Variants in LIMA1 observed in about 807,000 individuals in gnomAD.
The protein encoded by LIMA1 is LIM domain and actin-binding protein 1.
In LIMA1, 52 loss-of-function variants were observed where a neutral mutation model predicts 62.6. That is an observed-to-expected ratio of 0.83 (90% confidence interval 0.67 to 1.05). LIMA1 has a LOEUF of 1.05. LIMA1 is among the 50% of genes least tolerant of loss of function. The pLI, the probability that LIMA1 is intolerant of heterozygous loss-of-function variation, is 0.00. For missense variants in LIMA1, 780 were observed against 902.2 expected (o/e 0.86, Z 1.74); for synonymous variants, 302 against 317.8 (o/e 0.95, Z 0.53).
intron 1 of LIMA1, among the ~76,000 whole-genome samples, chr12:50,273,496 C>T (rs1187714807): frequency 6.6e-6 from 1 of 151,900 alleles, no homozygotes; most frequent in Non-Finnish European, 1.5e-5. Context: ...AGCAAAAGTA[C>T]TTTGAAAACT....
rs1408298159 is a variant in LIMA1 at position 50,192,556 on chromosome 12, A to G, written c.1036T>C (p.Ser346Pro). ...STPAEDDSRD[S>P]QVKSEVQQPV... The stretch of plus-strand genomic sequence containing the variant: ...TGTTGAACCTCACTCTTAACCTGGG[A>G]GTCACCTGCTTGAGTTACAAAAGGA... The change falls in exon 9 of 11, where the codon TCC (serine) becomes CCC (proline). Residue 346 changes from serine to proline, a missense_variant. By Grantham distance (74) the Ser-to-Pro change is moderately conservative. Coordinates refer to ENST00000341247, the MANE Select transcript of LIMA1 (RefSeq NM_016357.5). The G allele has an allele frequency of 1.2e-6, 2 of 1,609,528 alleles. No homozygotes were observed. Among genetic ancestry groups the G allele is most frequent in the East Asian group, 4.5e-5 (2 of 44,840 alleles).
chr12:50,209,077 C>T (rs78644527), intron 4 of LIMA1, among the ~76,000 whole-genome samples: 3,411 of 150,724 alleles, frequency 0.023, 124 homozygotes, highest in African/African-American at 0.079. Flanking sequence ...GGAGCCTCGG[C>T]CTCCCAAGGT....
intron 4 of LIMA1, among the ~76,000 whole-genome samples, chr12:50,209,545 G>A (rs959996792): frequency 7.5e-6 from 1 of 133,964 alleles, no homozygotes; most frequent in African/African-American, 2.9e-5. Context: ...TCCAGGCTAG[G>A]TGACAGAGCG....
intron 4 of LIMA1, among the ~76,000 whole-genome samples, chr12:50,212,531 G>C (rs924371658): frequency 6.6e-6 from 1 of 151,988 alleles, no homozygotes; most frequent in Non-Finnish European, 1.5e-5. Context: ...ATCTCCAGGT[G>C]GTAGGATTTC....
chr12:50,178,517 A>G (rs1481613127), intron 10 of LIMA1, among the ~76,000 whole-genome samples: 1 of 150,918 alleles, frequency 6.6e-6, no homozygotes, highest in Non-Finnish European at 1.5e-5. Flanking sequence ...ACTGTGATAG[A>G]GCGAGACTGT....
chr12:50,186,105 G>A (rs1940625458), intron 9 of LIMA1: 1 of 152,324 alleles, frequency 6.6e-6, no homozygotes, highest in Non-Finnish European at 1.5e-5. Flanking sequence ...CAGACAACAG[G>A]AAGCATAGTC....
intron 3 of LIMA1, among the ~76,000 whole-genome samples, chr12:50,228,758 T>C (rs955417739): frequency 2.6e-5 from 4 of 152,260 alleles, no homozygotes; most frequent in Non-Finnish European, 5.9e-5. Flanking sequence ...TGTTACAGTT[T>C]ACATGTGCAA....
rs999997834 is a variant in LIMA1, at chr12:50,193,097, G to C, written c.1031-536C>G. ...CAATGGATGAAGATTATGGAAAAGG[G>C]CTCCATGAAGTTTTTTTCATAATCA... On this transcript the variant is annotated intron_variant, in intron 8 of 10. Coordinates refer to ENST00000341247, the MANE Select transcript of LIMA1 (RefSeq NM_016357.5). Among the ~76,000 whole-genome samples, 9 of 152,138 alleles carry C rather than the reference G, an allele frequency of 5.9e-5. No individual in the cohort carries two copies. In the East Asian group the frequency reaches 1.7e-3, roughly 29 times the overall value.
intron 3 of LIMA1, 149 bp from the exon 4 acceptor site, chr12:50,222,634 T>A (rs936421986): frequency 2.0e-6 from 3 of 1,532,874 alleles, no homozygotes; most frequent in African/African-American, 1.4e-5. Context: ...CCTTGCCACA[T>A]GGAGAAAGCA....
chr12:50,273,740 G>A (rs1436074233), intron 1 of LIMA1, among the ~76,000 whole-genome samples: 3 of 152,164 alleles, frequency 2.0e-5, no homozygotes, highest in African/African-American at 7.2e-5. Flanking sequence ...ACATTTCAGA[G>A]CATGTGTTAA....
intron 1 of LIMA1, among the ~76,000 whole-genome samples, chr12:50,281,860 C>G (rs1290223189): frequency 6.6e-6 from 1 of 152,130 alleles, no homozygotes; most frequent in African/African-American, 2.4e-5. Context: ...TCCTACAGTA[C>G]CCTGGGCTGA....
chr12:50,180,118 T>C (rs1940461654), intron 10 of LIMA1, among the ~76,000 whole-genome samples: 2 of 151,922 alleles, frequency 1.3e-5, no homozygotes, highest in African/African-American at 4.8e-5. Context: ...GTGGCTAACA[T>C]GGTGAAACCT....
intron 3 of LIMA1, 43 bp from the exon 4 acceptor site, chr12:50,222,528 G>A (rs1193144344): frequency 6.2e-6 from 10 of 1,612,712 alleles, no homozygotes; most frequent in Middle Eastern, 1.6e-4. Flanking sequence ...CTTGCCTGCT[G>A]AAACATTCAA....
intron 2 of LIMA1, among the ~76,000 whole-genome samples, chr12:50,242,422 C>G (rs574770944): frequency 6.6e-6 from 1 of 151,784 alleles, no homozygotes; most frequent in Admixed American, 6.6e-5. Flanking sequence ...GTGGTGCAAT[C>G]ATAGTTCACT....
At chr12:50,228,080 G>A (rs1051340263) in intron 3 of LIMA1, among the ~76,000 whole-genome samples, 1 of 151,914 alleles carries the variant, frequency 6.6e-6, no homozygotes, top group Non-Finnish European at 1.5e-5. Context: ...GGATGGTCTC[G>A]ATCTCCTGAC....
chr12:50,235,372 G>A (rs1045735642), intron 2 of LIMA1, among the ~76,000 whole-genome samples: 2 of 147,570 alleles, frequency 1.4e-5, no homozygotes, highest in African/African-American at 2.5e-5. Context: ...TCTGTCTCCC[G>A]GGTTCAAGTG....
chr12:50,240,061 A>ATAAC (rs1454888061), intron 2 of LIMA1, among the ~76,000 whole-genome samples: 3,181 of 121,134 alleles, frequency 0.026, 110 homozygotes, highest in African/African-American at 0.095. Flanking sequence ...CATAACATAA[A>ATAAC]ATAAAAAATT....
At chr12:50,280,144 ATTTTTTTTTT>A (rs71441354) in intron 1 of LIMA1, among the ~76,000 whole-genome samples, 70 of 68,312 alleles carry the variant, frequency 1.0e-3, no homozygotes, top group African/African-American at 3.8e-3. Context: ...GGGTAGTAGT[ATTTTTTTTTT>A]TTTTTTTTTT....
At chr12:50,205,865 C>T (rs1941142611) in intron 5 of LIMA1, 119 bp downstream of exon 5, 1 of 548,038 alleles carries the variant, frequency 1.8e-6, no homozygotes, top group Non-Finnish European at 3.1e-6. Context: ...ATCTAATAGG[C>T]AGACTTCCTT....
Sources: allele counts gnomAD v4.1 joint callset (sites outside exome capture counted in the v4.1 genomes callset), GRCh38; gene constraint gnomAD v4.1.1; transcripts MANE v1.5; gene names NCBI Gene and HGNC (gene_info 2026-07-23, HGNC 2026-07-21).